WDFY4: variants seen among roughly 807,000 people sequenced by gnomAD.
WDFY4 encodes the protein WDFY family member 4.
WDFY4 carries 169 observed loss-of-function variants against 351.9 expected under a neutral mutation model. The observed-to-expected ratio is 0.48, with a 90% CI of 0.42 to 0.55. The LOEUF is 0.55. Ranked by LOEUF, WDFY4 falls within the 20% of genes least tolerant of loss-of-function variation. The pLI, the probability that WDFY4 is intolerant of heterozygous loss-of-function variation, is 0.00. For synonymous variants in WDFY4, 1,622 were observed against 1,574.6 expected, an observed-to-expected ratio of 1.03 and a Z score of -0.71; for missense variants, 3,803 against 3,935.6, an observed-to-expected ratio of 0.97 and a Z score of 0.90.
At chr10:48,801,530 G>T (rs1418482789) in intron 24 of WDFY4, 1 of 456,544 alleles carries the variant, frequency 2.2e-6, no homozygotes, top group South Asian at 1.6e-5. Context: ...TGCCATGCTG[G>T]ATACCCATGT....
chr10:48,783,750 G>C (rs1158126126), intron 19 of WDFY4, among the ~76,000 whole-genome samples: 2 of 152,064 alleles, frequency 1.3e-5, no homozygotes, highest in African/African-American at 4.8e-5. Context: ...CTAACACTTA[G>C]GCTATATGGT....
intron 25 of WDFY4, among the ~76,000 whole-genome samples, 189 bp from the exon 26 acceptor site, chr10:48,805,071 G>C (rs554729341): frequency 1.3e-5 from 2 of 152,210 alleles, no homozygotes; most frequent in South Asian, 2.1e-4. Context: ...GTGCACACCC[G>C]AGCGACTCTG....
chr10:48,767,392 T>G (rs1300098970), intron 13 of WDFY4, among the ~76,000 whole-genome samples: 1 of 152,244 alleles, frequency 6.6e-6, no homozygotes, highest in East Asian at 1.9e-4. Context: ...TATAAAATTC[T>G]GAAACTATTA....
chr10:48,711,578 C>G lies in WDFY4; in HGVS notation c.234+1612C>G, dbSNP rs576996956. ...CGGGCTCTGATGAAAGGACTGCACC[C>G]AAGAGCCAGGACTTGATTCTTCTTC... On this transcript the variant is annotated intron_variant, in intron 2 of 61. Transcript: ENST00000325239. 2.6e-5 allele frequency among the ~76,000 whole-genome samples: 4 copies of G among 152,258 alleles called. No individual in the cohort carries two copies. The South Asian group carries it at 6.2e-4, about 24-fold the overall frequency.
chr10:48,777,116 A>T (rs750322937), intron 16 of WDFY4, 132 bp downstream of exon 16: 1 of 1,183,944 alleles, frequency 8.4e-7, no homozygotes, highest in Non-Finnish European at 1.2e-6. Flanking sequence ...TGTCTGGGTC[A>T]TGGACACCCG....
chr10:48,902,428 G>A (rs564515725), intron 47 of WDFY4, among the ~76,000 whole-genome samples: 2 of 152,082 alleles, frequency 1.3e-5, no homozygotes, highest in African/African-American at 4.8e-5. Flanking sequence ...TATTTCAGTC[G>A]GGGTGAGAAT....
At chr10:48,860,949 A>G (rs764061083) in intron 39 of WDFY4, among the ~76,000 whole-genome samples, 3 of 151,924 alleles carry the variant, frequency 2.0e-5, no homozygotes, top group Non-Finnish European at 2.9e-5. Flanking sequence ...TGTTTTGTGT[A>G]TGTTTTGAGA....
chr10:48,715,071 A>G (rs1252267104), intron 2 of WDFY4, among the ~76,000 whole-genome samples: 1 of 152,284 alleles, frequency 6.6e-6, no homozygotes, highest in Non-Finnish European at 1.5e-5. Flanking sequence ...AAGCCCAAGT[A>G]GTTCTGAGTG....
intron 4 of WDFY4, 98 bp downstream of exon 4, chr10:48,721,465 C>T (rs1037617995): frequency 1.8e-6 from 2 of 1,088,312 alleles, no homozygotes; most frequent in Non-Finnish European, 2.7e-6. Flanking sequence ...GAGGGTCATT[C>T]GTTTCATAAA....
chr10:48,710,519 T>G (rs1284288180), intron 2 of WDFY4, among the ~76,000 whole-genome samples: 1 of 152,222 alleles, frequency 6.6e-6, no homozygotes, highest in African/African-American at 2.4e-5. Flanking sequence ...TGAGTAATAC[T>G]GTCTCTTTAG....
intron 57 of WDFY4, among the ~76,000 whole-genome samples, chr10:48,974,527 A>AAAAACAAC: frequency 2.6e-4 from 6 of 23,144 alleles, no homozygotes; most frequent in African/African-American, 4.4e-4. Flanking sequence ...AAAAAAAAAA[A>AAAAACAAC]AACAACTCAT....
chr10:48,866,573 C>T (rs765521456), intron 39 of WDFY4, among the ~76,000 whole-genome samples: 12 of 152,168 alleles, frequency 7.9e-5, no homozygotes, highest in Non-Finnish European at 1.0e-4. Context: ...GCATAAATGT[C>T]GGGCACACCT....
chr10:48,881,837 C>T (rs7899400), intron 43 of WDFY4, among the ~76,000 whole-genome samples: 2 of 152,184 alleles, frequency 1.3e-5, no homozygotes, highest in Non-Finnish European at 2.9e-5. Context: ...CCCAGCCTGG[C>T]GGCCTCCTGG....
In WDFY4 at chr10:48,981,438, A is replaced by G. The variant is rs1202457378; in HGVS notation, c.9448A>G (p.Ser3150Gly). 6.4e-7 allele frequency: 1 copy of G among 1,551,756 alleles called. No homozygotes were observed. Among genetic ancestry groups the G allele is most frequent in the Non-Finnish European group, 8.7e-7 (1 of 1,147,004 alleles). The change falls in exon 61 of 62, where the codon AGC (serine) becomes GGC (glycine). Residue 3150 changes from serine to glycine, a missense_variant. Coordinates refer to ENST00000325239, the MANE Select transcript of WDFY4 (RefSeq NM_001394531.1). ...DVSIALTGKP[S>G]KTSPAVTALA... ...TAGCATTGCTTTGACAGGGAAGCCC[A>G]GCAAAACCAGCCCCGCAGTGACTGC...
At chr10:48,718,809 T>TA (rs887041840) in intron 2 of WDFY4, among the ~76,000 whole-genome samples, 1 of 152,198 alleles carries the variant, frequency 6.6e-6, no homozygotes, top group African/African-American at 2.4e-5. Flanking sequence ...AAAGCGGACT[T>TA]ACGAACAGGG....
At chr10:48,825,704 C>G (rs1275589847) in intron 35 of WDFY4, among the ~76,000 whole-genome samples, 3 of 148,708 alleles carry the variant, frequency 2.0e-5, no homozygotes, top group Admixed American at 1.3e-4. Context: ...CTTGAATGAT[C>G]AGTGATATGG....
At chr10:48,889,021 G>T (rs1443699920) in intron 43 of WDFY4, among the ~76,000 whole-genome samples, 2 of 152,212 alleles carry the variant, frequency 1.3e-5, no homozygotes, top group Non-Finnish European at 2.9e-5. Flanking sequence ...GCCTGCCATG[G>T]AGCAGAGGCT....
At chr10:48,856,334 A>G (rs575545123) in intron 39 of WDFY4, among the ~76,000 whole-genome samples, 1 of 152,290 alleles carries the variant, frequency 6.6e-6, no homozygotes, top group Admixed American at 6.5e-5. Context: ...CCACATCTCA[A>G]CTTACCTAAC....
At chr10:48,880,520 C>T (rs544923303) in intron 43 of WDFY4, among the ~76,000 whole-genome samples, 3 of 152,262 alleles carry the variant, frequency 2.0e-5, no homozygotes, top group Non-Finnish European at 4.4e-5. Flanking sequence ...ACACTGTTTG[C>T]TGTGCCAGTG....
Sources: gnomAD v4.1 joint callset for allele counts (sites outside exome capture counted in the v4.1 genomes callset) on GRCh38, gnomAD v4.1.1 for gene constraint, MANE v1.5 for transcripts, NCBI Gene and HGNC (gene_info 2026-07-23, HGNC 2026-07-21) for gene names.